IQCM: variants seen among roughly 807,000 people sequenced by gnomAD.
IQCM encodes IQ domain-containing protein M.
Under a neutral mutation model 57.6 loss-of-function variants are expected in IQCM, and 45 were observed. That is an observed-to-expected ratio of 0.78 (90% CI 0.62 to 1.00). IQCM has a LOEUF of 1.00. IQCM is among the 50% of genes least tolerant of loss of function. The probability of loss-of-function intolerance (pLI) is 0.00; values close to 1 mark genes in which losing one functional copy is unlikely to be tolerated. For synonymous variants in IQCM, 148 were observed against 158.9 expected, an observed-to-expected ratio of 0.93 and a Z score of 0.51; for missense variants, 468 against 511.6, an observed-to-expected ratio of 0.91 and a Z score of 0.82.
intron 13 of IQCM, among the ~76,000 whole-genome samples, chr4:149,359,258 G>T (rs760106608): frequency 1.3e-5 from 2 of 152,102 alleles, no homozygotes; most frequent in African/African-American, 4.8e-5. Context: ...TTAACCCATA[G>T]TGTGTTACAA....
At chr4:149,778,107 T>A (rs1051012873) in intron 2 of IQCM, among the ~76,000 whole-genome samples, 1 of 152,226 alleles carries the variant, frequency 6.6e-6, no homozygotes, top group African/African-American at 2.4e-5. Flanking sequence ...CCGGGCGCGG[T>A]GGCTCACGCC....
At chr4:149,621,775 A>C (rs1164861147) in intron 7 of IQCM, among the ~76,000 whole-genome samples, 2 of 152,218 alleles carry the variant, frequency 1.3e-5, no homozygotes, top group Admixed American at 1.3e-4. Flanking sequence ...GTCTCATGGC[A>C]GTTGGTACAT....
At chr4:149,544,250 G>T in intron 12 of IQCM, among the ~76,000 whole-genome samples, 1 of 151,988 alleles carries the variant, frequency 6.6e-6, no homozygotes, top group East Asian at 1.9e-4. Context: ...AAAATCAGTT[G>T]CATTTCTCTA....
chr4:149,623,717 A>AGG (rs1015922724), intron 7 of IQCM, among the ~76,000 whole-genome samples: 9 of 144,610 alleles, frequency 6.2e-5, no homozygotes, highest in African/African-American at 2.2e-4. Context: ...TCTGAATCCC[A>AGG]GGTGTGTGTG....
intron 9 of IQCM, among the ~76,000 whole-genome samples, chr4:149,581,561 G>T (rs970370814): frequency 6.6e-6 from 1 of 151,570 alleles, no homozygotes; most frequent in African/African-American, 2.4e-5. Flanking sequence ...TATCTGAAAA[G>T]TTCTCGGGGT....
At chr4:149,747,743 C>T (rs181802440) in intron 2 of IQCM, among the ~76,000 whole-genome samples, 112 of 152,276 alleles carry the variant, frequency 7.4e-4, no homozygotes, top group South Asian at 3.9e-3. Context: ...TAGCTAGGAA[C>T]GCAGGGACCA....
chr4:149,596,662 G>T (rs1477999297), intron 8 of IQCM, among the ~76,000 whole-genome samples: 4 of 152,096 alleles, frequency 2.6e-5, no homozygotes, highest in Non-Finnish European at 4.4e-5. Context: ...TCTGAGTGAA[G>T]AGATAAAATT....
At chr4:149,737,478 G>A (rs559476708) in intron 3 of IQCM, 4 of 152,258 alleles carry the variant, frequency 2.6e-5, no homozygotes, top group South Asian at 4.1e-4. Context: ...GCATTGATTC[G>A]AAATTCTTTC....
intron 7 of IQCM, among the ~76,000 whole-genome samples, chr4:149,679,049 G>T (rs963063995): frequency 6.6e-6 from 1 of 151,616 alleles, no homozygotes; most frequent in African/African-American, 2.4e-5. Context: ...TTTTAAAAAG[G>T]AAATGAATGT....
At chr4:149,647,464 G>A (rs943722114) in intron 7 of IQCM, among the ~76,000 whole-genome samples, 13 of 151,924 alleles carry the variant, frequency 8.6e-5, no homozygotes, top group South Asian at 4.2e-4. Context: ...AGATGCTTGC[G>A]GAATTTTAGA....
chr4:149,461,960 C>T (rs1217831590), intron 12 of IQCM, among the ~76,000 whole-genome samples: 1 of 151,994 alleles, frequency 6.6e-6, no homozygotes, highest in Non-Finnish European at 1.5e-5. Flanking sequence ...CAGTACTGGT[C>T]TGTGGCCTGG....
At chr4:149,649,104 G>A (rs1758922029) in intron 7 of IQCM, among the ~76,000 whole-genome samples, 1 of 152,000 alleles carries the variant, frequency 6.6e-6, no homozygotes, top group South Asian at 2.1e-4. Flanking sequence ...AAGATTGTAT[G>A]TGGCCACAAC....
At chr4:149,814,670 T>G (rs1774891506) in intron 2 of IQCM, among the ~76,000 whole-genome samples, 1 of 151,974 alleles carries the variant, frequency 6.6e-6, no homozygotes, top group African/African-American at 2.4e-5. Flanking sequence ...CCATCCCACT[T>G]AGGGACAGTT....
intron 13 of IQCM, among the ~76,000 whole-genome samples, chr4:149,396,029 A>G (rs551787697): frequency 3.4e-4 from 52 of 152,126 alleles, no homozygotes; most frequent in African/African-American, 1.3e-3. Flanking sequence ...TTTTTGTTAA[A>G]TTTCTATATT....
intron 12 of IQCM, among the ~76,000 whole-genome samples, chr4:149,525,187 T>C (rs1164682925): frequency 6.6e-6 from 1 of 151,848 alleles, no homozygotes; most frequent in Non-Finnish European, 1.5e-5. Context: ...AAATTTGAAG[T>C]TATCGAAATA....
Position 149,755,623 on chromosome 4 carries a change from A to G in IQCM, c.-48-12884T>C, listed in dbSNP as rs58496404. On this transcript the variant is annotated intron_variant, in intron 2 of 13. Coordinates refer to ENST00000636793, the MANE Select transcript of IQCM (RefSeq NM_001363507.2). ...TGCAACCCTCCCTAAATCCCTCCTG[A>G]TTTATTTTCTTCTTTACACTAATAC... Among the ~76,000 whole-genome samples, 1,374 of 152,204 alleles carry G rather than the reference A, an allele frequency of 9.0e-3. 11 individuals are homozygous for G. The highest frequency in any genetic ancestry group is 0.031 in the African/African-American group (1,273 of 41,530).
chr4:149,452,895 A>G (rs1328464585), intron 12 of IQCM, among the ~76,000 whole-genome samples: 1 of 144,450 alleles, frequency 6.9e-6, no homozygotes. Context: ...AGAGTGGTTT[A>G]AAAAAAAAAA....
chr4:149,427,498 A>G (rs1442715935), intron 13 of IQCM, among the ~76,000 whole-genome samples: 2 of 151,954 alleles, frequency 1.3e-5, no homozygotes, highest in East Asian at 3.9e-4. Flanking sequence ...TAGGAGACAC[A>G]GCTCTGATTT....
chr4:149,684,150 T>C (rs1302961715), intron 6 of IQCM, among the ~76,000 whole-genome samples: 3 of 151,330 alleles, frequency 2.0e-5, no homozygotes, highest in African/African-American at 7.3e-5. Context: ...TCTATCATCA[T>C]CATAAAGAGT....
Sources: gnomAD v4.1 joint callset for allele counts (sites outside exome capture counted in the v4.1 genomes callset) on GRCh38, gnomAD v4.1.1 for gene constraint, MANE v1.5 for transcripts, NCBI Gene and HGNC (gene_info 2026-07-23, HGNC 2026-07-21) for gene names.